The following SPG11 variants were observed in gnomAD, a reference collection of about 807,000 sequenced individuals.
SPG11 encodes the protein spatacsin.
SPG11 carries 222 observed loss-of-function variants against 274.0 expected under a neutral mutation model. The observed-to-expected ratio is 0.81, with a 90% confidence interval of 0.73 to 0.91. The LOEUF (loss-of-function observed/expected upper bound fraction) is 0.91. Ranked by LOEUF, SPG11 falls within the 40% of genes least tolerant of loss-of-function variation. The pLI is 0.00. For missense variants in SPG11, 3,114 were observed against 2,872.7 expected, an observed-to-expected ratio of 1.08 and a Z score of -1.92; for synonymous variants, 1,144 against 1,039.7, an observed-to-expected ratio of 1.10 and a Z score of -1.93.
chr15:44,570,834 G>C (rs923653615), intron 33 of SPG11, among the ~76,000 whole-genome samples, 176 bp from the exon 34 acceptor site: 1 of 152,156 alleles, frequency 6.6e-6, no homozygotes, highest in Non-Finnish European at 1.5e-5. Flanking sequence ...ACAGCCCCTT[G>C]ATGACATCCA....
intron 32 of SPG11, chr15:44,573,265 G>A (rs1398663564): frequency 1.2e-5 from 7 of 582,560 alleles, no homozygotes; most frequent in Admixed American, 3.0e-5. Flanking sequence ...GATTACAGGC[G>A]TGAGCCACCG....
At chr15:44,615,182 T>G (rs139146099) in intron 16 of SPG11, among the ~76,000 whole-genome samples, 181 bp downstream of exon 16, 1 of 152,312 alleles carries the variant, frequency 6.6e-6, no homozygotes, top group East Asian at 1.9e-4. Context: ...CATAAGCATT[T>G]TGCTGAATGT....
Position 44,595,227 on chromosome 15 carries a change from G to A in SPG11, c.4635+32C>T, listed in dbSNP as rs1345120980. 8 of 1,600,100 alleles carry A rather than the reference G, an allele frequency of 5.0e-6. No homozygotes were observed. The Admixed American group carries it at 5.0e-5, about 10-fold the overall frequency. On this transcript the variant is annotated intron_variant, in intron 26 of 39. Transcript: ENST00000261866. ...GGGATATGCTGAAGTAATCTCTTAA[G>A]CTCTGGAAAGAAGTGAAGCAACTAT...
chr15:44,567,912 CAG>C (rs1271490131), intron 35 of SPG11, among the ~76,000 whole-genome samples: 1 of 152,116 alleles, frequency 6.6e-6, no homozygotes, highest in Non-Finnish European at 1.5e-5. Context: ...ATGAATGTAA[CAG>C]GGATATTTAA....
At chr15:44,598,970 C>G in intron 21 of SPG11, 134 bp from the exon 22 acceptor site, 2 of 890,504 alleles carry the variant, frequency 2.2e-6, no homozygotes, top group East Asian at 2.6e-5. Flanking sequence ...TTACCTTTTG[C>G]CCCTTGCACA....
chr15:44,654,645 G>C (rs541940779), intron 4 of SPG11, among the ~76,000 whole-genome samples: 1 of 152,274 alleles, frequency 6.6e-6, no homozygotes, highest in East Asian at 1.9e-4. Flanking sequence ...TTCAAAACCA[G>C]CCTGGCCAAC....
intron 1 of SPG11, 125 bp from the exon 2 acceptor site, chr15:44,660,741 T>C (rs2085081461): frequency 1.0e-5 from 9 of 872,108 alleles, no homozygotes; most frequent in Non-Finnish European, 1.5e-5. Context: ...CATTCTACAC[T>C]TCAATCTAAG....
rs1246979856 is a variant in SPG11 at position 44,566,084 on chromosome 15, A to G, written c.6844-75T>C. 4 of 1,597,682 alleles carry G rather than the reference A, an allele frequency of 2.5e-6. No individual in the cohort carries two copies. The African/African-American group carries it at 4.0e-5, about 16-fold the overall frequency. On this transcript the variant is annotated intron_variant, in intron 37 of 39. Transcript: ENST00000261866. ...CTCCTGTGTGAACCCTCACAACGGT[A>G]TTCACCCCTTCTGTTCCTGGTTGGC...
intron 30 of SPG11, among the ~76,000 whole-genome samples, chr15:44,579,178 CAAAA>C (rs1239125202): frequency 2.0e-5 from 3 of 150,008 alleles, no homozygotes; most frequent in Non-Finnish European, 4.5e-5. Flanking sequence ...AACAAGAAAA[CAAAA>C]AAACCCAAAA....
At chr15:44,661,034 G>A (rs2085090033) in intron 1 of SPG11, among the ~76,000 whole-genome samples, 1 of 152,170 alleles carries the variant, frequency 6.6e-6, no homozygotes. Context: ...AAAAGAAAGT[G>A]ATTATTTGTA....
At chr15:44,625,340 C>T (rs184338409) in intron 11 of SPG11, among the ~76,000 whole-genome samples, 1 of 152,220 alleles carries the variant, frequency 6.6e-6, no homozygotes, top group Admixed American at 6.6e-5. Context: ...ATCTGTGCCC[C>T]TGCCCAAATC....
intron 7 of SPG11, 105 bp from the exon 8 acceptor site, chr15:44,633,742 C>G (rs753432645): frequency 2.4e-6 from 3 of 1,256,116 alleles, no homozygotes; most frequent in African/African-American, 3.0e-5. Flanking sequence ...GGTGAGACTA[C>G]AGGAGGCAAA....
chr15:44,563,244 T>C lies in SPG11; in HGVS notation c.7209A>G (p.Thr2403=), dbSNP rs761873398. The change falls in exon 40 of 40, where the codon ACA becomes ACG. Residue 2403 remains threonine (T), a synonymous_variant. Coordinates refer to ENST00000261866, the MANE Select transcript of SPG11 (RefSeq NM_025137.4). ...AATACAGGTAAACATCTTCACAATA[T>C]GTGAGTAATTTCTTCAGGTTTTCCA... The part of the protein sequence containing the change: ...MVMENLKKLL[T]YCEDVYLYYK... 10 of 1,613,974 alleles carry C rather than the reference T, an allele frequency of 6.2e-6. No homozygotes were observed. In the East Asian group the frequency reaches 1.3e-4, roughly 22 times the overall value.
chr15:44,629,637 T>C (rs1015819128), intron 8 of SPG11, among the ~76,000 whole-genome samples: 1 of 152,234 alleles, frequency 6.6e-6, no homozygotes, highest in Non-Finnish European at 1.5e-5. Context: ...TCTTAAGTAC[T>C]GTACTTGTTG....
At chr15:44,604,974 A>G (rs899416144) in intron 20 of SPG11, among the ~76,000 whole-genome samples, 14 of 147,906 alleles carry the variant, frequency 9.5e-5, no homozygotes, top group Admixed American at 6.2e-4. Context: ...TTACATTTTC[A>G]TAACAGTTTC....
intron 26 of SPG11, among the ~76,000 whole-genome samples, chr15:44,594,162 A>T (rs934435556): frequency 1.3e-5 from 2 of 151,384 alleles, no homozygotes; most frequent in African/African-American, 4.8e-5. Flanking sequence ...GCGGTGGCTC[A>T]CGCCTGTAAA....
At chr15:44,573,430 T>C in intron 32 of SPG11, 117 bp downstream of exon 32, 4 of 1,088,140 alleles carry the variant, frequency 3.7e-6, no homozygotes, top group Non-Finnish European at 5.6e-6. Flanking sequence ...ATTACTGCAA[T>C]CCAGAAACTT....
chr15:44,649,193 AG>A (rs1382779621), intron 6 of SPG11, among the ~76,000 whole-genome samples, 182 bp from the exon 7 acceptor site: 3 of 151,678 alleles, frequency 2.0e-5, no homozygotes, highest in Non-Finnish European at 4.4e-5. Context: ...TTTATAGGCG[AG>A]TTTTGTGGGT....
chr15:44,616,513 A>C (rs1289478481), intron 15 of SPG11, among the ~76,000 whole-genome samples: 1 of 151,980 alleles, frequency 6.6e-6, no homozygotes, highest in Non-Finnish European at 1.5e-5. Flanking sequence ...ACTTTTATTC[A>C]TAGTTTTATT....
Sources: gnomAD v4.1 joint callset for allele counts (sites outside exome capture counted in the v4.1 genomes callset) on GRCh38, gnomAD v4.1.1 for gene constraint, MANE v1.5 for transcripts, NCBI Gene and HGNC (gene_info 2026-07-23, HGNC 2026-07-21) for gene names.